The following LRP2 variants were observed in gnomAD, a reference collection of about 807,000 sequenced individuals.
LRP2 encodes low-density lipoprotein receptor-related protein 2.
Under a neutral mutation model 531.0 loss-of-function variants are expected in LRP2, and 172 were observed. The observed-to-expected ratio is 0.32, with a 90% confidence interval of 0.29 to 0.37. The LOEUF (loss-of-function observed/expected upper bound fraction) is 0.37. LRP2 is among the 10% of genes least tolerant of loss of function. LRP2 has a pLI of 1.00. For missense variants in LRP2, 5,167 were observed against 5,868.3 expected, an observed-to-expected ratio of 0.88 and a Z score of 3.90; for synonymous variants, 1,992 against 2,027.6, an observed-to-expected ratio of 0.98 and a Z score of 0.47.
At chr2:169,340,059 A>G (rs1011579291) in intron 1 of LRP2, among the ~76,000 whole-genome samples, 4 of 152,132 alleles carry the variant, frequency 2.6e-5, no homozygotes, top group African/African-American at 7.2e-5. Context: ...CGATATATCT[A>G]CAATTTCTTT....
chr2:169,280,443 G>A lies in LRP2; in HGVS notation c.1248C>T (p.Ile416=). The part of the protein sequence containing the change: ...IGDIHGRSFR[I]LVESQNRGVA... ...CTCCACGATTCTGAGACTCCACTAG[G>A]ATCCGGAAGCTCCTTCCATGAATAT... Residue 416 remains isoleucine (I), a synonymous_variant, in exon 11 of 79, where the codon ATC becomes ATT. Transcript: ENST00000649046. The A allele has an allele frequency of 6.2e-7, 1 of 1,614,166 alleles. No homozygotes were observed. The highest frequency in any genetic ancestry group is 8.5e-7 in the Non-Finnish European group (1 of 1,180,020).
rs556456952 is a variant in LRP2, at chr2:169,187,242, A to G, written c.9328+728T>C. Among the ~76,000 whole-genome samples, 8 of 152,272 alleles carry G rather than the reference A, an allele frequency of 5.3e-5. No individual in the cohort carries two copies. The East Asian group carries it at 1.5e-3, about 29-fold the overall frequency. ...AGTTTCTGTCTAGCATTTAATTTTA[A>G]TGTTATTTCATATAAATCTTATCTT... On this transcript the variant is annotated intron_variant, in intron 49 of 78. Coordinates refer to ENST00000649046, the MANE Select transcript of LRP2 (RefSeq NM_004525.3).
chr2:169,270,867 G>C, intron 16 of LRP2, 37 bp downstream of exon 16: 1 of 1,451,098 alleles, frequency 6.9e-7, no homozygotes, highest in Non-Finnish European at 9.6e-7. Context: ...GGCAAAACAC[G>C]CATACACACA....
At chr2:169,261,581 C>A (rs1690555453) in intron 16 of LRP2, among the ~76,000 whole-genome samples, 1 of 151,180 alleles carries the variant, frequency 6.6e-6, no homozygotes, top group African/African-American at 2.4e-5. Context: ...AGTTTAACCA[C>A]TGACTATGAG....
At chr2:169,264,079 C>T (rs1307634643) in intron 16 of LRP2, among the ~76,000 whole-genome samples, 3 of 152,072 alleles carry the variant, frequency 2.0e-5, no homozygotes, top group Non-Finnish European at 4.4e-5. Context: ...GGGAACATCA[C>T]ACTCTGGGGA....
At chr2:169,214,814 G>A (rs1471001669) in intron 35 of LRP2, among the ~76,000 whole-genome samples, 1 of 152,202 alleles carries the variant, frequency 6.6e-6, no homozygotes, top group African/African-American at 2.4e-5. Flanking sequence ...CAACATGAAA[G>A]CAGGCTTCAC....
chr2:169,304,493 A>G (rs1020321816), intron 4 of LRP2, among the ~76,000 whole-genome samples: 4 of 152,214 alleles, frequency 2.6e-5, no homozygotes, highest in East Asian at 1.9e-4. Flanking sequence ...AATTTATAAA[A>G]TGCTACAAAA....
chr2:169,319,754 C>T (rs895816551), intron 2 of LRP2, among the ~76,000 whole-genome samples: 9 of 152,298 alleles, frequency 5.9e-5, no homozygotes, highest in African/African-American at 1.4e-4. Context: ...TTTATAGAAA[C>T]GCAGAAGCTG....
chr2:169,326,181 CCCT>C, intron 1 of LRP2, among the ~76,000 whole-genome samples: 1 of 41,274 alleles, frequency 2.4e-5, no homozygotes, highest in African/African-American at 1.4e-4. Flanking sequence ...TCCCCCTCTC[CCCT>C]CTCCCCTCTC....
chr2:169,204,217 A>T lies in LRP2; in HGVS notation c.7770T>A (p.Asn2590Lys). 6.2e-7 allele frequency: 1 copy of T among 1,614,172 alleles called. No homozygotes were observed. The highest frequency in any genetic ancestry group is 2.2e-5 in the East Asian group (1 of 44,884). ...LTGVDREVIV[N>K]AAVHAFGLTL... ...TCAAGCCAAAAGCATGAACGGCTGCATTGACAATGACTTCACGATCCACGC... is the reference window on the plus strand; with the variant it reads ...TCAAGCCAAAAGCATGAACGGCTGCTTTGACAATGACTTCACGATCCACGC... Residue 2590 changes from asparagine to lysine, a missense_variant, in exon 42 of 79, where the codon AAT becomes AAA. Coordinates refer to ENST00000649046, the MANE Select transcript of LRP2 (RefSeq NM_004525.3).
chr2:169,327,276 C>A (rs1244132952), intron 1 of LRP2, among the ~76,000 whole-genome samples: 14 of 96,678 alleles, frequency 1.4e-4, no homozygotes, highest in Admixed American at 2.9e-4. Flanking sequence ...GGGGGTCAGC[C>A]CCCCGCCCGG....
At position 169,232,209 on chromosome 2, in the gene LRP2, T is replaced by TA. The variant is rs202073364; in HGVS notation, c.5099-368dup. ...TGACCTAAAAGAGATCTTTTTGCAT[T>TA]AAAAAAAAAAAAAGTTGTGTGTTTG... On this transcript the variant is annotated intron_variant, in intron 30 of 78. Coordinates refer to ENST00000649046, the MANE Select transcript of LRP2 (RefSeq NM_004525.3). Among the ~76,000 whole-genome samples the TA allele has an allele frequency of 4.5e-3, 669 of 147,832 alleles. 7 individuals carry two copies. Among genetic ancestry groups the TA allele is most frequent in the Middle Eastern group, 0.017 (5 of 288 alleles).
chr2:169,347,208 T>C (rs1286786329), intron 1 of LRP2, among the ~76,000 whole-genome samples: 1 of 152,188 alleles, frequency 6.6e-6, no homozygotes, highest in African/African-American at 2.4e-5. Context: ...ATTTCCACAT[T>C]GTAATAGGAG....
Position 169,257,246 on chromosome 2 carries a change from A to G in LRP2, c.2517T>C (p.Tyr839=). ...GACGGAACCAATCAGTGAAGAATAG[A>G]TACCTAGAAAAAGCAGTAGTAAATT... ...RSVVVHPFAG[Y]LFFTDWFRPA... The change falls in exon 18 of 79, where the codon TAT becomes TAC. Residue 839 remains tyrosine (Y), a synonymous_variant. Coordinates refer to ENST00000649046, the MANE Select transcript of LRP2 (RefSeq NM_004525.3). 6.2e-7 allele frequency: 1 copy of G among 1,612,438 alleles called. No individual in the cohort carries two copies. The highest frequency in any genetic ancestry group is 8.5e-7 in the Non-Finnish European group (1 of 1,178,872).
rs758655692 is a variant in LRP2 at position 169,185,665 on chromosome 2, T to C, written c.9683A>G (p.Asn3228Ser). Residue 3228 changes from asparagine (N) to serine (S), a missense_variant, in exon 50 of 79, where the codon AAT (asparagine) becomes AGT (serine). Physicochemically the swap from Asn to Ser is conservative, Grantham distance 46. Transcript: ENST00000649046. ...TCGGTCAAAATCTAATGCCACAACA[T>C]TGTCCAGTCCTTCCAAGATGAGGGA... is the stretch of plus-strand genomic sequence containing the variant. ...FYSLILEGLD[N>S]VVALDFDRVE... 13 of 1,614,062 alleles carry C rather than the reference T, an allele frequency of 8.1e-6. No homozygotes were observed. The South Asian group carries it at 1.3e-4, about 16-fold the overall frequency.
intron 56 of LRP2, 115 bp from the exon 57 acceptor site, chr2:169,173,339 C>G: frequency 7.9e-7 from 1 of 1,267,984 alleles, no homozygotes; most frequent in Non-Finnish European, 1.1e-6. Context: ...CCAAGCAAAC[C>G]GCCTCTGGCG....
At chr2:169,289,204 T>A (rs1683938271) in intron 8 of LRP2, 59 bp from the exon 9 acceptor site, 2 of 1,603,464 alleles carry the variant, frequency 1.2e-6, no homozygotes, top group African/African-American at 1.3e-5. Flanking sequence ...GACTGATTAA[T>A]CTAATAGCTT....
At chr2:169,326,793 T>C (rs1214617452) in intron 1 of LRP2, among the ~76,000 whole-genome samples, 13 of 124,244 alleles carry the variant, frequency 1.0e-4, no homozygotes, top group African/African-American at 1.9e-4. Flanking sequence ...CCGGCAGCCA[T>C]CCCATCTGGG....
At chr2:169,224,860 C>T (rs1454952329) in intron 33 of LRP2, among the ~76,000 whole-genome samples, 1 of 152,088 alleles carries the variant, frequency 6.6e-6, no homozygotes, top group African/African-American at 2.4e-5. Flanking sequence ...GAGGTCAAGG[C>T]GGGTGGATCA....
Sources: gnomAD v4.1 joint callset for allele counts (sites outside exome capture counted in the v4.1 genomes callset) on GRCh38, gnomAD v4.1.1 for gene constraint, MANE v1.5 for transcripts, NCBI Gene and HGNC (gene_info 2026-07-23, HGNC 2026-07-21) for gene names.